COL13A1: variants seen among roughly 807,000 people sequenced by gnomAD.
COL13A1 encodes collagen alpha-1(XIII) chain.
A neutral mutation model predicts 130.9 loss-of-function variants in COL13A1; 89 were observed. The ratio of observed to expected loss-of-function variants is 0.68; its 90% CI spans 0.57 to 0.81. The LOEUF is 0.81. Among genes scored for constraint, COL13A1 ranks in the 30% least tolerant of loss-of-function variants. COL13A1 has a pLI of 0.00. For synonymous variants in COL13A1, 402 were observed against 341.6 expected (o/e 1.18, Z -1.95); for missense variants, 879 against 934.6 (o/e 0.94, Z 0.78).
chr10:69,818,244 C>T (rs1216226507), intron 1 of COL13A1, among the ~76,000 whole-genome samples: 1 of 152,212 alleles, frequency 6.6e-6, no homozygotes, highest in Non-Finnish European at 1.5e-5. Flanking sequence ...GTGCCCAGTT[C>T]CTTCTTCCTC....
intron 10 of COL13A1, among the ~76,000 whole-genome samples, chr10:69,892,375 C>T (rs955595417): frequency 2.0e-5 from 3 of 152,156 alleles, no homozygotes; most frequent in Non-Finnish European, 4.4e-5. Context: ...CTCTGCCCCA[C>T]CCCCCCACTT....
intron 3 of COL13A1, among the ~76,000 whole-genome samples, chr10:69,871,214 A>G (rs973891320): frequency 6.6e-5 from 10 of 152,148 alleles, no homozygotes; most frequent in African/African-American, 2.4e-4. Flanking sequence ...TAAGGGACGC[A>G]GTGCCTGGGC....
Position 69,918,296 on chromosome 10 carries a change from A to G in COL13A1, c.978A>G (p.Gly326=). 1 of 1,612,544 alleles carries G rather than the reference A, an allele frequency of 6.2e-7. No individual in the cohort carries two copies. Among genetic ancestry groups the G allele is most frequent in the Non-Finnish European group, 8.5e-7 (1 of 1,179,398 alleles). ...TCTCTCTCTGCCAGGGGGCGCCCGGAATTGCCGTGGCTGGGATGAAGGTCA... is the reference window on the plus strand; with the variant it reads ...TCTCTCTCTGCCAGGGGGCGCCCGGGATTGCCGTGGCTGGGATGAAGGTCA... ...PGKHGAKGAP[G]IAVAGMKGEP... The change falls in exon 19 of 41, where the codon GGA becomes GGG. Residue 326 remains glycine (G), a synonymous_variant. Coordinates refer to ENST00000645393, the MANE Select transcript of COL13A1 (RefSeq NM_001368882.1).
At chr10:69,824,249 T>C in intron 2 of COL13A1, 1 of 436,438 alleles carries the variant, frequency 2.3e-6, no homozygotes, top group South Asian at 1.7e-5. Context: ...ATGATTATGA[T>C]TATTTTCTCA....
chr10:69,940,929 T>A, intron 34 of COL13A1, 59 bp from the exon 35 acceptor site: 1 of 1,612,796 alleles, frequency 6.2e-7, no homozygotes, highest in Non-Finnish European at 8.5e-7. Context: ...ATTGTTCCCT[T>A]TTTCTCCCTC....
chr10:69,939,358 C>T (rs1176739480), intron 34 of COL13A1, among the ~76,000 whole-genome samples: 1 of 152,172 alleles, frequency 6.6e-6, no homozygotes, highest in Admixed American at 6.5e-5. Flanking sequence ...GAAATCTTTC[C>T]ATTTTCTAAT....
chr10:69,877,751 G>A (rs1429025462), intron 5 of COL13A1: 14 of 329,836 alleles, frequency 4.2e-5, no homozygotes, highest in East Asian at 3.3e-4. Context: ...ACACACGTAC[G>A]TGCCTCAAGA....
intron 2 of COL13A1, among the ~76,000 whole-genome samples, chr10:69,841,816 G>A (rs1405982894): frequency 2.0e-5 from 3 of 152,240 alleles, no homozygotes; most frequent in Non-Finnish European, 4.4e-5. Flanking sequence ...AGCAAGGGCA[G>A]AGACCCTGCA....
chr10:69,900,939 G>C (rs1020949917), intron 14 of COL13A1, among the ~76,000 whole-genome samples: 1 of 152,184 alleles, frequency 6.6e-6, no homozygotes, highest in Non-Finnish European at 1.5e-5. Flanking sequence ...CAGCCAGAAA[G>C]GAGCTCGGGA....
Position 69,941,073 on chromosome 10 carries a change from G to A in COL13A1, c.1914+50G>A, listed in dbSNP as rs759944861. On this transcript the variant is annotated intron_variant, in intron 35 of 40. Coordinates refer to ENST00000645393, the MANE Select transcript of COL13A1 (RefSeq NM_001368882.1). ...CTCACCCCACTCCACTCCACACCTG[G>A]CCTGTGATCCCTTTTGTCTGTCCCA... 5.6e-6 allele frequency: 9 copies of A among 1,612,974 alleles called. No individual in the cohort carries two copies. The South Asian group carries it at 6.6e-5, about 12-fold the overall frequency.
chr10:69,869,971 G>T (rs2058893373), intron 3 of COL13A1, among the ~76,000 whole-genome samples: 1 of 152,160 alleles, frequency 6.6e-6, no homozygotes, highest in Non-Finnish European at 1.5e-5. Flanking sequence ...TTTTATGGAG[G>T]CAGTGTAACA....
At chr10:69,908,931 C>T (rs745365908) in intron 17 of COL13A1, among the ~76,000 whole-genome samples, 4 of 152,168 alleles carry the variant, frequency 2.6e-5, no homozygotes, top group Admixed American at 6.5e-5. Flanking sequence ...GCTTCCTAAT[C>T]GCCAGATGCC....
At chr10:69,916,832 AGCCAGAAGGTATCATCCT>A (rs1270793505) in intron 17 of COL13A1, among the ~76,000 whole-genome samples, 24 of 152,332 alleles carry the variant, frequency 1.6e-4, no homozygotes, top group African/African-American at 5.8e-4. Flanking sequence ...TGTCTGGCTC[AGCCAGAAGGTATCATCCT>A]AGCAAAGCTG....
At chr10:69,891,595 C>G (rs2061176963) in intron 10 of COL13A1, among the ~76,000 whole-genome samples, 1 of 152,190 alleles carries the variant, frequency 6.6e-6, no homozygotes, top group African/African-American at 2.4e-5. Context: ...CCCAGGCATG[C>G]TGTGCACATG....
intron 2 of COL13A1, among the ~76,000 whole-genome samples, chr10:69,823,499 G>A (rs1846655914): frequency 6.6e-6 from 1 of 152,246 alleles, no homozygotes; most frequent in South Asian, 2.1e-4. Context: ...GGTGGCAGGT[G>A]GCACTAGCAG....
chr10:69,889,399 CT>C lies in COL13A1; in HGVS notation c.577-14del. On this transcript the variant is annotated splice_polypyrimidine_tract_variant and intron_variant, in intron 9 of 40. Transcript: ENST00000645393. ...GCGAACAGTGCACCTGGTACTCACC[CT>C]CTTCTCCTTCCAGGGCCACCCAGGA... is the stretch of plus-strand genomic sequence containing the variant. The C allele has an allele frequency of 6.2e-7, 1 of 1,609,644 alleles. No homozygotes were observed.
chr10:69,901,121 G>A (rs1359420603), intron 14 of COL13A1, among the ~76,000 whole-genome samples: 1 of 152,200 alleles, frequency 6.6e-6, no homozygotes, highest in Non-Finnish European at 1.5e-5. Flanking sequence ...GAGGCTTAGT[G>A]AAGCCTTTCT....
At chr10:69,882,831 G>C (rs1441970174) in intron 7 of COL13A1, among the ~76,000 whole-genome samples, 2 of 152,186 alleles carry the variant, frequency 1.3e-5, no homozygotes, top group African/African-American at 4.8e-5. Context: ...CCATCACCCA[G>C]TGGCTCGAGC....
intron 2 of COL13A1, among the ~76,000 whole-genome samples, chr10:69,859,011 T>C (rs2133779356): frequency 6.6e-6 from 1 of 152,194 alleles, no homozygotes; most frequent in East Asian, 1.9e-4. Context: ...TCTTTGGGGC[T>C]AAGGGCATGC....
Sources: gnomAD v4.1 joint callset for allele counts (sites outside exome capture counted in the v4.1 genomes callset) on GRCh38, gnomAD v4.1.1 for gene constraint, MANE v1.5 for transcripts, NCBI Gene and HGNC (gene_info 2026-07-23, HGNC 2026-07-21) for gene names.